APBA2: variants seen among roughly 807,000 people sequenced by gnomAD.
APBA2 encodes amyloid beta precursor protein binding family A member 2.
APBA2 carries 30 observed loss-of-function variants against 75.0 expected under a neutral mutation model. The observed-to-expected ratio is 0.40, with a 90% confidence interval of 0.30 to 0.54. The LOEUF is 0.54. APBA2 is among the 20% of genes least tolerant of loss of function. The probability of loss-of-function intolerance (pLI) is 0.49; values close to 1 mark genes in which losing one functional copy is unlikely to be tolerated. For synonymous variants in APBA2, 444 were observed against 409.6 expected, an observed-to-expected ratio of 1.08 and a Z score of -1.01; for missense variants, 801 against 1,016.1, an observed-to-expected ratio of 0.79 and a Z score of 2.88.
intron 2 of APBA2, among the ~76,000 whole-genome samples, chr15:28,947,689 A>G (rs569893931): frequency 1.3e-5 from 2 of 152,320 alleles, no homozygotes; most frequent in African/African-American, 4.8e-5. Context: ...TGCCTGGGTC[A>G]TCACAGAACT....
At chr15:29,087,409 C>G (rs560039149) in intron 6 of APBA2, among the ~76,000 whole-genome samples, 1 of 152,294 alleles carries the variant, frequency 6.6e-6, no homozygotes, top group African/African-American at 2.4e-5. Context: ...TCTCTTCCTC[C>G]CAGCATCCAG....
At chr15:28,985,582 C>T (rs970526385) in intron 2 of APBA2, among the ~76,000 whole-genome samples, 5 of 152,128 alleles carry the variant, frequency 3.3e-5, no homozygotes, top group Non-Finnish European at 5.9e-5. Flanking sequence ...TTTTGGACTT[C>T]GTTTTTCTTG....
chr15:28,972,884 C>G (rs554890259), intron 2 of APBA2, among the ~76,000 whole-genome samples: 5 of 152,284 alleles, frequency 3.3e-5, no homozygotes, highest in African/African-American at 1.2e-4. Context: ...CTGAAAAAAC[C>G]TATTGTTGGT....
intron 3 of APBA2, among the ~76,000 whole-genome samples, chr15:29,021,771 A>G (rs977443010): frequency 2.0e-5 from 3 of 152,098 alleles, no homozygotes; most frequent in Non-Finnish European, 4.4e-5. Context: ...GACAGCTGAT[A>G]CCGTGTACCC....
chr15:28,919,676 A>C (rs1268665073), intron 1 of APBA2, among the ~76,000 whole-genome samples: 1 of 152,156 alleles, frequency 6.6e-6, no homozygotes, highest in African/African-American at 2.4e-5. Context: ...CTCAGTGAGC[A>C]TCCTGCAGCT....
At chr15:28,975,224 GA>G (rs1280730647) in intron 2 of APBA2, among the ~76,000 whole-genome samples, 6 of 137,888 alleles carry the variant, frequency 4.4e-5, no homozygotes, top group African/African-American at 1.7e-4. Flanking sequence ...ATTCCTACTG[GA>G]AAAAAATTCA....
intron 2 of APBA2, among the ~76,000 whole-genome samples, chr15:28,944,464 C>T (rs537607535): frequency 5.2e-4 from 79 of 152,346 alleles, no homozygotes; most frequent in African/African-American, 1.6e-3. Flanking sequence ...CATCTACTTC[C>T]GCCCTTCCGC....
intron 1 of APBA2, 62 bp from the exon 2 acceptor site, chr15:28,921,578 A>G (rs1027085227): frequency 2.6e-5 from 4 of 152,188 alleles, no homozygotes; most frequent in African/African-American, 9.7e-5. Flanking sequence ...CTGTGGGTGA[A>G]TAAGTGGTTT....
At chr15:29,043,333 A>C (rs1264294780) in intron 3 of APBA2, among the ~76,000 whole-genome samples, 4 of 152,318 alleles carry the variant, frequency 2.6e-5, no homozygotes, top group African/African-American at 4.8e-5. Flanking sequence ...CAGAAGGAAG[A>C]AGTTAGGCCC....
At chr15:29,041,761 A>G (rs1039985592) in intron 3 of APBA2, among the ~76,000 whole-genome samples, 4 of 152,306 alleles carry the variant, frequency 2.6e-5, no homozygotes, top group African/African-American at 2.4e-5. Flanking sequence ...GATATTGATA[A>G]TGGGATTCTA....
chr15:28,931,800 C>T (rs2034578589), intron 2 of APBA2, among the ~76,000 whole-genome samples: 1 of 152,206 alleles, frequency 6.6e-6, no homozygotes, highest in Non-Finnish European at 1.5e-5. Flanking sequence ...TTTAAAATTA[C>T]AATTTTAGTC....
Position 29,117,403 on chromosome 15 carries a change from A to C in APBA2, c.*270A>C. ...TTCTGGACTGTCTTCTCCCTGCACA[A>C]GCCAGGGTGTGTCTCGGTAGCTGTG... is the stretch of plus-strand genomic sequence containing the variant. On this transcript the variant is annotated 3_prime_UTR_variant, in exon 15 of 15. Coordinates refer to ENST00000683413, the MANE Select transcript of APBA2 (RefSeq NM_001353788.2). 1.9e-6 allele frequency: 1 copy of C among 536,560 alleles called. No individual in the cohort carries two copies. The highest frequency in any genetic ancestry group is 3.4e-6 in the Non-Finnish European group (1 of 297,336). 33.2% of individuals were successfully genotyped at this position (536,560 alleles called of 1,614,324 possible). A position where few individuals can be genotyped will look rare whatever the true frequency, so the allele number is the denominator to read the frequency against.
intron 4 of APBA2, among the ~76,000 whole-genome samples, chr15:29,068,969 C>T (rs1764906601): frequency 1.3e-5 from 2 of 152,172 alleles, no homozygotes; most frequent in South Asian, 2.1e-4. Flanking sequence ...AGAACATTTT[C>T]GCTGCCCCCA....
intron 1 of APBA2, among the ~76,000 whole-genome samples, chr15:28,914,599 C>T (rs1305817222): frequency 3.3e-5 from 5 of 152,198 alleles, no homozygotes; most frequent in East Asian, 1.9e-4. Flanking sequence ...CCTGCTGCCC[C>T]GCTCAGCTGC....
In APBA2 at chr15:28,936,601, C is replaced by T. The variant is rs142152339; in HGVS notation, c.-95+14852C>T. 3.9e-5 allele frequency among the ~76,000 whole-genome samples: 6 copies of T among 152,352 alleles called. No homozygotes were observed. In the East Asian group the frequency reaches 9.6e-4, roughly 25 times the overall value. The stretch of plus-strand genomic sequence containing the variant: ...ACGTGCTGGGTGCCTGCTTGAGTGT[C>T]TCCTTTGTTCCTCTCTATCACTGGC... On this transcript the variant is annotated intron_variant, in intron 2 of 14. Coordinates refer to ENST00000683413, the MANE Select transcript of APBA2 (RefSeq NM_001353788.2).
At chr15:28,945,898 C>G (rs1039928535) in intron 2 of APBA2, among the ~76,000 whole-genome samples, 1 of 152,166 alleles carries the variant, frequency 6.6e-6, no homozygotes, top group East Asian at 1.9e-4. Flanking sequence ...TAGATAGAGT[C>G]GTGATGAGGA....
chr15:29,013,436 C>T (rs911686572), intron 3 of APBA2, among the ~76,000 whole-genome samples: 17 of 152,082 alleles, frequency 1.1e-4, no homozygotes, highest in African/African-American at 2.6e-4. Flanking sequence ...CCCGCCACCG[C>T]GCCTGGCCAA....
At chr15:28,942,039 G>A (rs1157709919) in intron 2 of APBA2, among the ~76,000 whole-genome samples, 2 of 152,228 alleles carry the variant, frequency 1.3e-5, no homozygotes, top group Admixed American at 6.5e-5. Flanking sequence ...GATTACAGGC[G>A]TGAGCCACTG....
At chr15:28,992,375 A>C (rs536605110) in intron 2 of APBA2, among the ~76,000 whole-genome samples, 1 of 152,238 alleles carries the variant, frequency 6.6e-6, no homozygotes, top group Non-Finnish European at 1.5e-5. Flanking sequence ...TGCTCATTCC[A>C]GAGTCCCTGG....
Sources: gnomAD v4.1 joint callset for allele counts (sites outside exome capture counted in the v4.1 genomes callset) on GRCh38, gnomAD v4.1.1 for gene constraint, MANE v1.5 for transcripts, NCBI Gene and HGNC (gene_info 2026-07-23, HGNC 2026-07-21) for gene names.